The following ARHGAP10 variants were observed in gnomAD, a reference collection of about 807,000 sequenced individuals.
ARHGAP10 encodes the protein rho GTPase-activating protein 10.
In ARHGAP10, 87 loss-of-function variants were observed where a neutral mutation model predicts 108.6. The ratio of observed to expected loss-of-function variants is 0.80; its 90% CI spans 0.67 to 0.96. ARHGAP10 has a LOEUF of 0.96. ARHGAP10 is among the 40% of genes least tolerant of loss of function. ARHGAP10 has a pLI of 0.00. For missense variants in ARHGAP10, 939 were observed against 954.5 expected (o/e 0.98, Z 0.21); for synonymous variants, 347 against 341.1 (o/e 1.02, Z -0.19).
chr4:147,835,805 A>G (rs1733148276), intron 3 of ARHGAP10, among the ~76,000 whole-genome samples: 1 of 152,254 alleles, frequency 6.6e-6, no homozygotes, highest in Admixed American at 6.5e-5. Context: ...AAAAAAATTC[A>G]AAATTGCCTC....
chr4:147,866,925 C>T lies in ARHGAP10; in HGVS notation c.702+109C>T. The T allele has an allele frequency of 6.8e-6, 6 of 886,514 alleles. No homozygotes were observed. The South Asian group carries it at 1.1e-4, about 16-fold the overall frequency. The allele number at this position is 886,514 out of a possible 1,614,324, so 54.9% of individuals were successfully genotyped here. A position where few individuals can be genotyped will look rare whatever the true frequency, so the allele number is the denominator to read the frequency against. ...TGAAGACAATGCTGATCTGTTTGTA[C>T]TGAGAAACTGAGGGTATGCTGCCAC... On this transcript the variant is annotated intron_variant, in intron 7 of 22. Coordinates refer to ENST00000336498, the MANE Select transcript of ARHGAP10 (RefSeq NM_024605.4).
intron 4 of ARHGAP10, among the ~76,000 whole-genome samples, chr4:147,848,429 G>A (rs1196720517): frequency 1.3e-5 from 2 of 152,214 alleles, no homozygotes; most frequent in African/African-American, 4.8e-5. Context: ...GCAGGAGATC[G>A]GAGGTCAGCT....
chr4:147,753,480 G>A (rs1729245993), intron 1 of ARHGAP10, among the ~76,000 whole-genome samples: 1 of 150,960 alleles, frequency 6.6e-6, no homozygotes. Flanking sequence ...AGTAGCTGGG[G>A]CTATAGGTGT....
chr4:147,865,045 C>G (rs1323139359), intron 6 of ARHGAP10, 89 bp downstream of exon 6: 1 of 1,144,456 alleles, frequency 8.7e-7, no homozygotes, highest in East Asian at 2.5e-5. Flanking sequence ...TTTATAGTTA[C>G]TAGAGGCCAT....
intron 1 of ARHGAP10, among the ~76,000 whole-genome samples, chr4:147,751,954 C>T (rs1160601728): frequency 3.4e-5 from 5 of 148,258 alleles, no homozygotes; most frequent in African/African-American, 7.5e-5. Flanking sequence ...GGCATGATCT[C>T]GACTCACTGC....
At chr4:147,802,384 G>C (rs142544558) in intron 1 of ARHGAP10, among the ~76,000 whole-genome samples, 2 of 152,310 alleles carry the variant, frequency 1.3e-5, no homozygotes, top group African/African-American at 4.8e-5. Flanking sequence ...TTGCAAACTT[G>C]TTTTCTCTAA....
At chr4:147,754,167 CA>C (rs903527391) in intron 1 of ARHGAP10, among the ~76,000 whole-genome samples, 1 of 152,096 alleles carries the variant, frequency 6.6e-6, no homozygotes, top group African/African-American at 2.4e-5. Context: ...TTGGAAGTCC[CA>C]GAAGTCTAGA....
intron 19 of ARHGAP10, among the ~76,000 whole-genome samples, chr4:148,030,758 G>A (rs1296042418): frequency 6.6e-6 from 1 of 152,044 alleles, no homozygotes; most frequent in African/African-American, 2.4e-5. Context: ...CTTAGTTCTG[G>A]GTTGCATCTT....
intron 17 of ARHGAP10, 50 bp from the exon 18 acceptor site, chr4:147,966,630 A>T (rs1434330442): frequency 1.4e-6 from 2 of 1,478,176 alleles, no homozygotes; most frequent in Non-Finnish European, 1.8e-6. Flanking sequence ...TACAGTCCAC[A>T]ATTTTTGCTC....
At position 147,956,349 on chromosome 4, in the gene ARHGAP10, C is replaced by T. The variant is rs28687202; in HGVS notation, c.1450+975C>T. On this transcript the variant is annotated intron_variant, in intron 16 of 22. Coordinates refer to ENST00000336498, the MANE Select transcript of ARHGAP10 (RefSeq NM_024605.4). ...TTACCTTCTTGTGAGGTCCTTGCTCCAGCCAGTGTAAAGGTTCCTCCTGTG... is the reference window on the plus strand; with the variant it reads ...TTACCTTCTTGTGAGGTCCTTGCTCTAGCCAGTGTAAAGGTTCCTCCTGTG... 8.7e-3 allele frequency among the ~76,000 whole-genome samples: 1,322 copies of T among 152,220 alleles called. 11 individuals carry two copies. The highest frequency in any genetic ancestry group is 0.02 in the African/African-American group (831 of 41,552).
chr4:148,000,312 A>G (rs966801942), intron 18 of ARHGAP10, among the ~76,000 whole-genome samples: 3 of 152,098 alleles, frequency 2.0e-5, no homozygotes, highest in Non-Finnish European at 4.4e-5. Context: ...ACATTTTCTT[A>G]ATCCAGTCTA....
At chr4:147,959,269 C>G (rs1479467076) in intron 16 of ARHGAP10, among the ~76,000 whole-genome samples, 1 of 151,520 alleles carries the variant, frequency 6.6e-6, no homozygotes, top group Non-Finnish European at 1.5e-5. Context: ...GGGAAAAAGA[C>G]TTGGCAGAAA....
At chr4:148,036,144 TATG>T (rs962987655) in intron 19 of ARHGAP10, among the ~76,000 whole-genome samples, 4 of 151,604 alleles carry the variant, frequency 2.6e-5, no homozygotes, top group Non-Finnish European at 5.9e-5. Flanking sequence ...TATAAGATAA[TATG>T]ATATAATTCC....
intron 1 of ARHGAP10, among the ~76,000 whole-genome samples, chr4:147,774,424 G>A (rs1323404112): frequency 6.6e-6 from 1 of 152,196 alleles, no homozygotes; most frequent in African/African-American, 2.4e-5. Context: ...GTGTGCAGGT[G>A]GAAAACATGA....
intron 16 of ARHGAP10, among the ~76,000 whole-genome samples, chr4:147,957,531 T>C (rs1428397400): frequency 1.3e-5 from 2 of 152,204 alleles, no homozygotes; most frequent in Admixed American, 6.5e-5. Flanking sequence ...CTGGTTTTGC[T>C]CAAGTGTCTG....
At chr4:147,752,852 G>T (rs1268451280) in intron 1 of ARHGAP10, among the ~76,000 whole-genome samples, 1 of 152,162 alleles carries the variant, frequency 6.6e-6, no homozygotes, top group African/African-American at 2.4e-5. Context: ...GCTGATCTGG[G>T]CCTTTGATTA....
At chr4:147,805,074 C>A (rs1343142048) in intron 1 of ARHGAP10, among the ~76,000 whole-genome samples, 1 of 152,070 alleles carries the variant, frequency 6.6e-6, no homozygotes, top group Non-Finnish European at 1.5e-5. Context: ...ATGGTATTTC[C>A]TAGGTTTTCT....
At chr4:147,945,054 C>T (rs1004036029) in intron 14 of ARHGAP10, among the ~76,000 whole-genome samples, 3 of 152,178 alleles carry the variant, frequency 2.0e-5, no homozygotes, top group African/African-American at 7.2e-5. Flanking sequence ...AGGTTTGCAA[C>T]TCGCTTGTGG....
chr4:147,827,339 G>A (rs1305217434), intron 3 of ARHGAP10, among the ~76,000 whole-genome samples: 1 of 152,214 alleles, frequency 6.6e-6, no homozygotes, highest in Non-Finnish European at 1.5e-5. Flanking sequence ...TGATACTGGA[G>A]AGTAAGTGGT....
Sources: gnomAD v4.1 joint callset for allele counts (sites outside exome capture counted in the v4.1 genomes callset) on GRCh38, gnomAD v4.1.1 for gene constraint, MANE v1.5 for transcripts, NCBI Gene and HGNC (gene_info 2026-07-23, HGNC 2026-07-21) for gene names.